The following CCDC170 variants were observed in gnomAD, a reference collection of about 807,000 sequenced individuals.
The protein encoded by CCDC170 is coiled-coil domain-containing protein 170.
A neutral mutation model predicts 72.6 loss-of-function variants in CCDC170; 69 were observed. The ratio of observed to expected loss-of-function variants is 0.95; its 90% confidence interval spans 0.78 to 1.16. The LOEUF (loss-of-function observed/expected upper bound fraction) is 1.16, where lower values mean the gene tolerates loss of function less well. Among genes scored for constraint, CCDC170 ranks in the 50% most tolerant of loss-of-function variants. The probability of loss-of-function intolerance (pLI) is 0.00; values close to 1 mark genes in which losing one functional copy is unlikely to be tolerated. For synonymous variants in CCDC170, 300 were observed against 303.9 expected (o/e 0.99, Z 0.13); for missense variants, 852 against 832.5 (o/e 1.02, Z -0.29).
chr6:151,536,667 C>T (rs1475762202), intron 2 of CCDC170, among the ~76,000 whole-genome samples: 1 of 148,544 alleles, frequency 6.7e-6, no homozygotes, highest in East Asian at 2.0e-4. Context: ...ACCAGCTGCT[C>T]GAGAGGCTGA....
intron 1 of CCDC170, among the ~76,000 whole-genome samples, chr6:151,532,043 C>T (rs1385274228): frequency 6.6e-6 from 1 of 151,922 alleles, no homozygotes; most frequent in Non-Finnish European, 1.5e-5. Flanking sequence ...GGGTTATTAA[C>T]CAATGCAATT....
chr6:151,534,151 C>A (rs1434865539), intron 1 of CCDC170, among the ~76,000 whole-genome samples: 1 of 151,012 alleles, frequency 6.6e-6, no homozygotes, highest in African/African-American at 2.4e-5. Context: ...TGCAGCTTGA[C>A]CTCCTGGGAC....
intron 1 of CCDC170, among the ~76,000 whole-genome samples, chr6:151,516,347 GCCAAGAGGAGGTCT>G (rs908944680): frequency 6.6e-6 from 1 of 152,170 alleles, no homozygotes; most frequent in African/African-American, 2.4e-5. Context: ...AATGCCCTTG[GCCAAGAGGAGGTCT>G]CCATTCAGTC....
chr6:151,551,006 C>T (rs1782869093), intron 5 of CCDC170, among the ~76,000 whole-genome samples: 1 of 152,058 alleles, frequency 6.6e-6, no homozygotes, highest in African/African-American at 2.4e-5. Flanking sequence ...GCGGTTTTTG[C>T]AATTACTTTT....
chr6:151,585,831 TG>T, intron 6 of CCDC170, 57 bp from the exon 7 acceptor site: 1 of 1,528,792 alleles, frequency 6.5e-7, no homozygotes, highest in Admixed American at 1.8e-5. Context: ...GCAGTAGATG[TG>T]AACACTTCCT....
chr6:151,507,158 A>G (rs79112354), intron 1 of CCDC170, among the ~76,000 whole-genome samples: 12,695 of 152,178 alleles, frequency 0.083, 648 homozygotes, highest in Middle Eastern at 0.16. Flanking sequence ...CTAGGCCCAC[A>G]GGTACTTCAC....
intron 1 of CCDC170, among the ~76,000 whole-genome samples, chr6:151,507,540 T>C (rs1026941214): frequency 1.3e-5 from 2 of 152,104 alleles, no homozygotes; most frequent in African/African-American, 4.8e-5. Flanking sequence ...AAGGGACCCA[T>C]GAAGGCAAAA....
intron 1 of CCDC170, among the ~76,000 whole-genome samples, chr6:151,499,815 C>A (rs1781967811): frequency 6.6e-6 from 1 of 152,124 alleles, no homozygotes; most frequent in Non-Finnish European, 1.5e-5. Context: ...CCATTGTATG[C>A]ATATGTCATG....
At chr6:151,498,448 G>T (rs1002218918) in intron 1 of CCDC170, among the ~76,000 whole-genome samples, 3 of 152,162 alleles carry the variant, frequency 2.0e-5, no homozygotes, top group African/African-American at 7.2e-5. Context: ...CAAATGTACA[G>T]TTTAGTGGCA....
In CCDC170 at chr6:151,615,614, G is replaced by A. The variant is rs989330528; in HGVS notation, c.1882G>A (p.Val628Met). Residue 628 changes from valine (V) to methionine (M), a missense_variant, in exon 10 of 11, where the codon GTG becomes ATG. Coordinates refer to ENST00000239374, the MANE Select transcript of CCDC170 (RefSeq NM_025059.4). ...AGAAAGGGCCAGAAACATGATAGAA[G>A]TGGTAACCAGTGAAATGAAGACACT... ...NKERARNMIE[V>M]VTSEMKTLKK... 3 of 1,611,196 alleles carry A rather than the reference G, an allele frequency of 1.9e-6. No individual in the cohort carries two copies. The highest frequency in any genetic ancestry group is 2.5e-6 in the Non-Finnish European group (3 of 1,177,332).
intron 1 of CCDC170, among the ~76,000 whole-genome samples, chr6:151,531,551 C>T (rs936660006): frequency 1.3e-5 from 2 of 152,158 alleles, no homozygotes; most frequent in African/African-American, 4.8e-5. Context: ...CTTAAGTCTA[C>T]CATAATGTTT....
At chr6:151,516,377 G>C (rs573722383) in intron 1 of CCDC170, among the ~76,000 whole-genome samples, 5 of 152,320 alleles carry the variant, frequency 3.3e-5, no homozygotes, top group South Asian at 2.1e-4. Context: ...CAGTCAGTTG[G>C]AAGGCTTAGA....
rs538461060 is a variant in CCDC170 at position 151,616,224 on chromosome 6, C to A, written c.1947+545C>A. Among the ~76,000 whole-genome samples, 174 of 152,210 alleles carry A rather than the reference C, an allele frequency of 1.1e-3. 1 individual carries two copies. The Middle Eastern group carries it at 0.02, about 18-fold the overall frequency. On this transcript the variant is annotated intron_variant, in intron 10 of 10. Coordinates refer to ENST00000239374, the MANE Select transcript of CCDC170 (RefSeq NM_025059.4). ...TGTAGCAGAGATCAGTTGCAGGAAA[C>A]AGCCCCAAATCTCAAACAGTGGCAC...
chr6:151,609,797 T>C (rs1179303351), intron 9 of CCDC170, among the ~76,000 whole-genome samples: 3 of 152,240 alleles, frequency 2.0e-5, no homozygotes, highest in Non-Finnish European at 2.9e-5. Flanking sequence ...CCCTGGTGGC[T>C]TGGCTCGGAG....
In CCDC170 at chr6:151,544,576, T is replaced by C; in HGVS notation, c.448T>C (p.Cys150Arg). ...TATTTGTTATTTGCCTAACAGAAAGTGTTCAAAAGAAAATGAGGAGAATAA... is the reference window on the plus strand; with the variant it reads ...TATTTGTTATTTGCCTAACAGAAAGCGTTCAAAAGAAAATGAGGAGAATAA... The part of the protein sequence containing the change: ...VVELNEKLQK[C>R]SKENEENKKQ... Residue 150 changes from cysteine (C) to arginine (R), a missense_variant, in exon 4 of 11, where the codon TGT becomes CGT. Transcript: ENST00000239374. 1 of 1,610,432 alleles carries C rather than the reference T, an allele frequency of 6.2e-7. No homozygotes were observed. The highest frequency in any genetic ancestry group is 2.2e-5 in the East Asian group (1 of 44,756).
At position 151,594,464 on chromosome 6, in the gene CCDC170, G is replaced by A. The variant is rs1395812854; in HGVS notation, c.1467+1184G>A. ...CTTGAGGAATATTTTATAAAAGATA[G>A]CATACAAACCCTATTACCATTAGAG... On this transcript the variant is annotated intron_variant, in intron 8 of 10. Transcript: ENST00000239374. 2.0e-5 allele frequency among the ~76,000 whole-genome samples: 3 copies of A among 152,106 alleles called. No individual in the cohort carries two copies. In the East Asian group the frequency reaches 5.8e-4, roughly 29 times the overall value.
At chr6:151,579,824 G>C (rs1459614518) in intron 6 of CCDC170, among the ~76,000 whole-genome samples, 1 of 152,192 alleles carries the variant, frequency 6.6e-6, no homozygotes, top group Admixed American at 6.5e-5. Flanking sequence ...AAATGGACAC[G>C]ATGTGTTGAA....
At chr6:151,611,618 CAT>C (rs1477521748) in intron 9 of CCDC170, among the ~76,000 whole-genome samples, 9 of 151,182 alleles carry the variant, frequency 6.0e-5, no homozygotes, top group African/African-American at 2.2e-4. Flanking sequence ...AGAATTTCAA[CAT>C]ATGAATTTAG....
chr6:151,587,873 A>G (rs955237240), intron 7 of CCDC170, among the ~76,000 whole-genome samples: 5 of 152,172 alleles, frequency 3.3e-5, no homozygotes, highest in African/African-American at 9.7e-5. Flanking sequence ...TAAGTGAGCC[A>G]TCTTCACAGA....
Sources: gnomAD v4.1 joint callset for allele counts (sites outside exome capture counted in the v4.1 genomes callset) on GRCh38, gnomAD v4.1.1 for gene constraint, MANE v1.5 for transcripts, NCBI Gene and HGNC (gene_info 2026-07-23, HGNC 2026-07-21) for gene names.